Variants in KCNJ6 observed in about 807,000 individuals in gnomAD.
KCNJ6 encodes the protein potassium inwardly rectifying channel subfamily J member 6.
KCNJ6 carries 9 observed loss-of-function variants against 34.2 expected under a neutral mutation model. That is an observed-to-expected ratio of 0.26 (90% CI 0.16 to 0.46). The LOEUF (loss-of-function observed/expected upper bound fraction) is 0.46. KCNJ6 is among the 20% of genes least tolerant of loss of function. The pLI, the probability that KCNJ6 is intolerant of heterozygous loss-of-function variation, is 1.00. For synonymous variants in KCNJ6, 196 were observed against 207.1 expected (o/e 0.95, Z 0.46); for missense variants, 236 against 531.3 (o/e 0.44, Z 5.46).
At position 37,706,244 on chromosome 21, in the gene KCNJ6, C is replaced by A. The variant is rs375852733; in HGVS notation, c.946+7967G>T. On this transcript the variant is annotated intron_variant, in intron 3 of 3. Transcript: ENST00000609713. ...GAAAGCTGGGAATTTTTGGTGAACA[C>A]GCTAATGACACCACACATTTCAAAA... is the stretch of plus-strand genomic sequence containing the variant. Among the ~76,000 whole-genome samples the A allele has an allele frequency of 3.9e-5, 6 of 152,174 alleles. No homozygotes were observed. In the East Asian group the frequency reaches 5.8e-4, roughly 15 times the overall value.
chr21:37,763,571 TC>T (rs2055076625), intron 2 of KCNJ6, among the ~76,000 whole-genome samples: 2 of 152,148 alleles, frequency 1.3e-5, no homozygotes, highest in East Asian at 3.9e-4. Context: ...CAGCTGGCCC[TC>T]TCAGTGACTG....
At chr21:37,776,942 C>T (rs979668970) in intron 2 of KCNJ6, among the ~76,000 whole-genome samples, 5 of 152,170 alleles carry the variant, frequency 3.3e-5, no homozygotes, top group Admixed American at 6.5e-5. Context: ...CCTCCTCGTA[C>T]CTCTGGTAGA....
At position 37,607,482 on chromosome 21, in the gene KCNJ6, A is replaced by ATTTTTT. The variant is rs753569226; in HGVS notation, c.*17671_*17676dup. 10 of 136,758 alleles carry ATTTTTT rather than the reference A, an allele frequency of 7.3e-5. No individual in the cohort carries two copies. Among genetic ancestry groups the ATTTTTT allele is most frequent in the South Asian group, 2.4e-4 (1 of 4,158 alleles). The allele number at this position is 136,758 out of a possible 1,614,324, so 8.5% of individuals were successfully genotyped here. On this transcript the variant is annotated 3_prime_UTR_variant, in exon 4 of 4. Transcript: ENST00000609713. Reference sequence around the variant, plus strand: ...CTTAAAGATATATATATATATATATATTTTTTTTTTATTTTAAAAAAATTT... The same window carrying ATTTTTT: ...CTTAAAGATATATATATATATATATATTTTTTTTTTTTTTTTATTTTAAAAAAATTT...
intron 2 of KCNJ6, among the ~76,000 whole-genome samples, chr21:37,805,957 C>A (rs1277519170): frequency 6.6e-6 from 1 of 152,232 alleles, no homozygotes; most frequent in South Asian, 2.1e-4. Flanking sequence ...GCCTCCAGAC[C>A]TGCAAGTGAA....
chr21:37,787,357 G>A (rs138811758), intron 2 of KCNJ6, among the ~76,000 whole-genome samples: 332 of 152,250 alleles, frequency 2.2e-3, no homozygotes, highest in African/African-American at 7.7e-3. Flanking sequence ...TACATCCCTG[G>A]ACACACAGTG....
At chr21:37,790,521 C>T (rs1156693202) in intron 2 of KCNJ6, among the ~76,000 whole-genome samples, 2 of 152,118 alleles carry the variant, frequency 1.3e-5, no homozygotes, top group Admixed American at 6.6e-5. Flanking sequence ...AGATAAGGAA[C>T]CTGAGGTTTA....
At position 37,615,270 on chromosome 21, in the gene KCNJ6, T is replaced by TTTTTTTTTTTTTTTG. The variant is rs2054262642; in HGVS notation, c.*9888_*9889insCAAAAAAAAAAAAAA. 1 of 98,768 alleles carries TTTTTTTTTTTTTTTG rather than the reference T, an allele frequency of 1.0e-5. No homozygotes were observed. Among genetic ancestry groups the TTTTTTTTTTTTTTTG allele is most frequent in the Non-Finnish European group, 2.0e-5 (1 of 49,500 alleles). The allele number at this position is 98,768 out of a possible 1,614,324, so 6.1% of individuals were successfully genotyped here. On this transcript the variant is annotated 3_prime_UTR_variant, in exon 4 of 4. Transcript: ENST00000609713. Reference sequence around the variant, plus strand: ...TTTTTTTTTTTTTTTTTTTTTTTTTTGAGACGGAGTCTCGCTCTGTCGCCC... The same window carrying TTTTTTTTTTTTTTTG: ...TTTTTTTTTTTTTTTTTTTTTTTTTTTTTTTTTTTTTTTTGGAGACGGAGTCTCGCTCTGTCGCCC...
intron 2 of KCNJ6, among the ~76,000 whole-genome samples, chr21:37,726,143 T>G (rs1013829497): frequency 6.6e-6 from 1 of 152,134 alleles, no homozygotes; most frequent in African/African-American, 2.4e-5. Context: ...TGACCTCAGG[T>G]GATCCACCCC....
intron 2 of KCNJ6, among the ~76,000 whole-genome samples, chr21:37,794,113 T>C (rs1290731460): frequency 6.6e-6 from 1 of 152,252 alleles, no homozygotes; most frequent in African/African-American, 2.4e-5. Context: ...ACCAAAAGTT[T>C]CATGGAAGAG....
chr21:37,654,949 C>G (rs558281762), intron 3 of KCNJ6, among the ~76,000 whole-genome samples: 253 of 152,262 alleles, frequency 1.7e-3, no homozygotes, highest in Middle Eastern at 0.01. Flanking sequence ...CACTGTGATT[C>G]TCAGAACTCA....
intron 3 of KCNJ6, among the ~76,000 whole-genome samples, chr21:37,662,759 C>T (rs942872026): frequency 1.3e-5 from 2 of 152,184 alleles, no homozygotes; most frequent in Non-Finnish European, 2.9e-5. Flanking sequence ...TCCACATCCT[C>T]GCCAGCATCT....
At chr21:37,819,405 T>C (rs2055363194) in intron 2 of KCNJ6, among the ~76,000 whole-genome samples, 1 of 152,180 alleles carries the variant, frequency 6.6e-6, no homozygotes, top group Admixed American at 6.5e-5. Flanking sequence ...CCATCATAAA[T>C]TATTAGTAGA....
At chr21:37,632,120 G>A (rs190048768) in intron 3 of KCNJ6, among the ~76,000 whole-genome samples, 1 of 152,054 alleles carries the variant, frequency 6.6e-6, no homozygotes, top group Non-Finnish European at 1.5e-5. Context: ...GGGGCCGACC[G>A]GGGGGAGGGG....
chr21:37,701,636 A>G (rs1261898640), intron 3 of KCNJ6, among the ~76,000 whole-genome samples: 2 of 152,128 alleles, frequency 1.3e-5, no homozygotes, highest in Non-Finnish European at 2.9e-5. Flanking sequence ...GTAATAATTA[A>G]ATTAATGACA....
At chr21:37,817,104 T>A (rs185021856) in intron 2 of KCNJ6, among the ~76,000 whole-genome samples, 1 of 152,354 alleles carries the variant, frequency 6.6e-6, no homozygotes, top group Non-Finnish European at 1.5e-5. Flanking sequence ...TCTGAAGGTC[T>A]ATTAGCACCA....
chr21:37,851,145 C>T (rs2055535631), intron 1 of KCNJ6, among the ~76,000 whole-genome samples: 1 of 152,162 alleles, frequency 6.6e-6, no homozygotes, highest in African/African-American at 2.4e-5. Flanking sequence ...ATAACAGCTC[C>T]TTCCCAAGCC....
chr21:37,690,174 C>T (rs2054633355), intron 3 of KCNJ6, among the ~76,000 whole-genome samples: 1 of 152,042 alleles, frequency 6.6e-6, no homozygotes, highest in African/African-American at 2.4e-5. Context: ...AGTGACTATG[C>T]TTCTTCATGT....
At chr21:37,730,349 G>T (rs2054878012) in intron 2 of KCNJ6, among the ~76,000 whole-genome samples, 1 of 152,182 alleles carries the variant, frequency 6.6e-6, no homozygotes, top group African/African-American at 2.4e-5. Flanking sequence ...GCCTGGGTTG[G>T]AATCCAGTTC....
chr21:37,911,553 CA>C (rs2055867255), intron 1 of KCNJ6, among the ~76,000 whole-genome samples: 2 of 152,168 alleles, frequency 1.3e-5, no homozygotes, highest in South Asian at 4.1e-4. Flanking sequence ...AGTTCTAATA[CA>C]ATGAACTTAG....
Sources: gnomAD v4.1 joint callset for allele counts (sites outside exome capture counted in the v4.1 genomes callset) on GRCh38, gnomAD v4.1.1 for gene constraint, MANE v1.5 for transcripts, NCBI Gene and HGNC (gene_info 2026-07-23, HGNC 2026-07-21) for gene names.